The following GUCY2F variants were observed in gnomAD, a reference collection of about 807,000 sequenced individuals.
GUCY2F encodes the protein retinal guanylyl cyclase 2.
In GUCY2F, 61 loss-of-function variants were observed where a neutral mutation model predicts 73.1. The observed-to-expected ratio is 0.83, with a 90% CI of 0.68 to 1.03. The LOEUF (loss-of-function observed/expected upper bound fraction) is 1.03, where lower values mean the gene tolerates loss of function less well. Among genes scored for constraint, GUCY2F ranks in the 50% least tolerant of loss-of-function variants. GUCY2F has a pLI of 0.00. For missense variants in GUCY2F, 912 were observed against 854.3 expected (o/e 1.07, Z -0.84); for synonymous variants, 331 against 307.8 (o/e 1.08, Z -0.79).
intron 16 of GUCY2F, 73 bp from the exon 17 acceptor site, chrX:109,382,285 T>G: frequency 1.7e-6 from 1 of 592,743 alleles, no homozygotes; most frequent in South Asian, 2.5e-5. Context: ...GTCAATGTAA[T>G]AAATGTCTTC....
chrX:109,465,186 C>T lies in GUCY2F; in HGVS notation c.988G>A (p.Ala330Thr). ...TCAGGAATTTCACCTCTTGCTGCTGCCTCTGTGAAGGCTTGATAGAAGGTC... is the reference window on the plus strand; with the variant it reads ...TCAGGAATTTCACCTCTTGCTGCTGTCTCTGTGAAGGCTTGATAGAAGGTC... ...EKTFYQAFTE[A>T]AARGEIPEKL... Residue 330 changes from alanine to threonine, a missense_variant, in exon 3 of 20, where the codon GCA becomes ACA. Coordinates refer to ENST00000218006, the MANE Select transcript of GUCY2F (RefSeq NM_001522.3). The T allele has an allele frequency of 8.3e-7, 1 of 1,210,041 alleles. No homozygotes were observed. The highest frequency in any genetic ancestry group is 1.1e-6 in the Non-Finnish European group (1 of 894,018).
At chrX:109,409,338 T>C (rs1162523163) in intron 8 of GUCY2F, among the ~76,000 whole-genome samples, 170 bp from the exon 9 acceptor site, 1 of 111,567 alleles carries the variant, frequency 9.0e-6, no homozygotes, top group Non-Finnish European at 1.9e-5. Flanking sequence ...GTGATTGTGT[T>C]TTGTTATACA....
intron 10 of GUCY2F, among the ~76,000 whole-genome samples, chrX:109,400,224 G>A (rs1299295339): frequency 9.1e-6 from 1 of 109,666 alleles, no homozygotes; most frequent in Non-Finnish European, 1.9e-5. Flanking sequence ...AATGGGGGTG[G>A]GGGTAGTAGC....
chrX:109,388,600 G>T lies in GUCY2F; in HGVS notation c.2845C>A (p.His949Asn). ...SGLPKRNGSR[H>N]AAEIANMSLD... ...GACATGTTTGCAATCTCAGCTGCAT[G>T]CCTACTGCCATTCCTCTTTGGGAGG... is the stretch of plus-strand genomic sequence containing the variant. The change falls in exon 15 of 20, where the codon CAT becomes AAT. Residue 949 changes from histidine (H) to asparagine (N), a missense_variant. Transcript: ENST00000218006. 8.3e-7 allele frequency: 1 copy of T among 1,199,342 alleles called. No individual in the cohort carries two copies. Among genetic ancestry groups the T allele is most frequent in the Non-Finnish European group, 1.1e-6 (1 of 884,588 alleles).
chrX:109,390,586 T>C (rs1930536851), intron 14 of GUCY2F, among the ~76,000 whole-genome samples: 1 of 112,690 alleles, frequency 8.9e-6, no homozygotes, highest in Non-Finnish European at 1.9e-5. Context: ...CCAAAATATC[T>C]AATGGCCTAT....
In GUCY2F at chrX:109,425,826, T is replaced by A. The variant is rs760418999; in HGVS notation, c.1791+4481A>T. Among the ~76,000 whole-genome samples the A allele has an allele frequency of 5.4e-5, 6 of 110,955 alleles. No homozygotes were observed. The South Asian group carries it at 1.5e-3, about 28-fold the overall frequency. On this transcript the variant is annotated intron_variant, in intron 8 of 19. Transcript: ENST00000218006. ...AAATAAATTTTTTTAAGAAATTAAGTCTATGAAAAGAAAAAAAGACAATCT... is the reference window on the plus strand; with the variant it reads ...AAATAAATTTTTTTAAGAAATTAAGACTATGAAAAGAAAAAAAGACAATCT...
intron 8 of GUCY2F, among the ~76,000 whole-genome samples, chrX:109,417,009 G>C (rs188014323): frequency 9.3e-6 from 1 of 107,032 alleles, no homozygotes; most frequent in African/African-American, 3.4e-5. Flanking sequence ...TCATAATTCT[G>C]TACCAAGCAA....
At chrX:109,477,872 A>C (rs1932727821) in intron 1 of GUCY2F, among the ~76,000 whole-genome samples, 1 of 111,822 alleles carries the variant, frequency 8.9e-6, no homozygotes, top group Non-Finnish European at 1.9e-5. Flanking sequence ...TATCTAGTGA[A>C]TCTTAAAGAC....
intron 2 of GUCY2F, among the ~76,000 whole-genome samples, chrX:109,474,767 C>T (rs985422994): frequency 5.4e-5 from 6 of 111,636 alleles, no homozygotes; most frequent in African/African-American, 2.0e-4. Context: ...CACTGGGTAC[C>T]GTTGAAGGAA....
chrX:109,393,719 A>T (rs892565900), intron 12 of GUCY2F, among the ~76,000 whole-genome samples: 1 of 111,792 alleles, frequency 8.9e-6, no homozygotes, highest in African/African-American at 3.3e-5. Context: ...CATGTCACAA[A>T]TTTTCAATAC....
intron 7 of GUCY2F, among the ~76,000 whole-genome samples, chrX:109,435,534 C>T (rs977144057): frequency 2.7e-5 from 3 of 110,489 alleles, no homozygotes; most frequent in African/African-American, 1.0e-4. Context: ...TGGGCTGAGA[C>T]AATGGGGTTT....
intron 3 of GUCY2F, among the ~76,000 whole-genome samples, chrX:109,455,552 G>A (rs1417169899): frequency 3.6e-5 from 4 of 111,366 alleles, no homozygotes; most frequent in Non-Finnish European, 7.5e-5. Context: ...TTCTGGCTCT[G>A]AACTCCTGTG....
chrX:109,451,401 A>G (rs973464988), intron 5 of GUCY2F, among the ~76,000 whole-genome samples: 1 of 111,903 alleles, frequency 8.9e-6, no homozygotes, highest in Non-Finnish European at 1.9e-5. Flanking sequence ...ACCCTGGACA[A>G]AAGGCATGAG....
chrX:109,398,890 C>T (rs1305783388), intron 10 of GUCY2F, among the ~76,000 whole-genome samples, 192 bp from the exon 11 acceptor site: 1 of 111,756 alleles, frequency 8.9e-6, no homozygotes, highest in Admixed American at 9.5e-5. Context: ...AGAAAACATA[C>T]TACTCTCTCC....
Position 109,379,340 on chromosome X carries a change from C to T in GUCY2F, c.3150+2778G>A, listed in dbSNP as rs1040754972. 3.7e-5 allele frequency among the ~76,000 whole-genome samples: 4 copies of T among 109,542 alleles called. No homozygotes were observed. In the East Asian group the frequency reaches 1.2e-3, roughly 33 times the overall value. On this transcript the variant is annotated intron_variant, in intron 17 of 19. Coordinates refer to ENST00000218006, the MANE Select transcript of GUCY2F (RefSeq NM_001522.3). ...GGTGAATATAGTTAATAATGCTGTA[C>T]ATTTCAAAATCACTAAACGAATGCA... is the stretch of plus-strand genomic sequence containing the variant.
intron 8 of GUCY2F, among the ~76,000 whole-genome samples, chrX:109,423,578 CTT>C (rs59884345): frequency 1.3e-4 from 12 of 95,989 alleles, no homozygotes; most frequent in East Asian, 6.2e-4. Flanking sequence ...TCTTCTTTTC[CTT>C]TTTTTTTTTT....
chrX:109,470,093 G>T (rs1932544221), intron 2 of GUCY2F, among the ~76,000 whole-genome samples: 1 of 111,830 alleles, frequency 8.9e-6, no homozygotes, highest in South Asian at 3.8e-4. Flanking sequence ...ACTCAAACTT[G>T]TATTGCAATT....
chrX:109,447,856 G>A (rs1431258307), intron 6 of GUCY2F, among the ~76,000 whole-genome samples: 2 of 108,935 alleles, frequency 1.8e-5, no homozygotes, highest in African/African-American at 6.8e-5. Context: ...ATTTAATTTT[G>A]ACATTTAATT....
chrX:109,446,189 G>T (rs1455745886), intron 6 of GUCY2F, among the ~76,000 whole-genome samples: 1 of 111,747 alleles, frequency 8.9e-6, no homozygotes, highest in East Asian at 2.8e-4. Context: ...CATGAAAATG[G>T]CCATACTGCC....
Sources: gnomAD v4.1 joint callset for allele counts (sites outside exome capture counted in the v4.1 genomes callset) on GRCh38, gnomAD v4.1.1 for gene constraint, MANE v1.5 for transcripts, NCBI Gene and HGNC (gene_info 2026-07-23, HGNC 2026-07-21) for gene names.